Variants in RNGTT observed in about 807,000 individuals in gnomAD.
RNGTT encodes mRNA-capping enzyme.
In RNGTT, 33 loss-of-function variants were observed where a neutral mutation model predicts 79.3. That is an observed-to-expected ratio of 0.42 (90% confidence interval 0.32 to 0.56). The LOEUF (loss-of-function observed/expected upper bound fraction) is 0.56. Among genes scored for constraint, RNGTT ranks in the 20% least tolerant of loss-of-function variants. RNGTT has a pLI of 0.17. For synonymous variants in RNGTT, 222 were observed against 235.9 expected (o/e 0.94, Z 0.54); for missense variants, 497 against 739.1 (o/e 0.67, Z 3.80).
intron 14 of RNGTT, among the ~76,000 whole-genome samples, chr6:88,674,859 G>C (rs918027597): frequency 2.0e-5 from 3 of 152,184 alleles, no homozygotes; most frequent in African/African-American, 7.2e-5. Flanking sequence ...TACTGTGGGA[G>C]GCTGAAGTGG....
chr6:88,822,747 A>G (rs1054359864), intron 11 of RNGTT, among the ~76,000 whole-genome samples: 1 of 152,208 alleles, frequency 6.6e-6, no homozygotes, highest in Non-Finnish European at 1.5e-5. Flanking sequence ...AAGAGTGAAC[A>G]TTGATAGGAT....
rs1774963737 is a variant in RNGTT at position 88,678,405 on chromosome 6, T to C, written c.1454A>G (p.Asn485Ser). 2 of 1,431,104 alleles carry C rather than the reference T, an allele frequency of 1.4e-6. No homozygotes were observed. Among genetic ancestry groups the C allele is most frequent in the South Asian group, 1.8e-5 (1 of 56,876 alleles). 88.7% of individuals were successfully genotyped at this position (1,431,104 alleles called of 1,614,324 possible). Residue 485 changes from asparagine to serine, a missense_variant, in exon 14 of 16, where the codon AAT (asparagine) becomes AGT (serine). Coordinates refer to ENST00000369485, the MANE Select transcript of RNGTT (RefSeq NM_003800.5). Reference protein sequence around the residue: ...RMGGEGLLPQNVGLLYVGGYE... With the variant: ...RMGGEGLLPQSVGLLYVGGYE... ...ACCTCCAACATACAGGAGGCCAACA[T>C]TCTGAGGAAGTAACCTACAAAGAAA... is the stretch of plus-strand genomic sequence containing the variant.
chr6:88,743,682 T>C (rs987271738), intron 13 of RNGTT, among the ~76,000 whole-genome samples: 1 of 152,242 alleles, frequency 6.6e-6, no homozygotes, highest in Non-Finnish European at 1.5e-5. Flanking sequence ...TAATATTCTA[T>C]TGTATGTATA....
chr6:88,647,715 A>AAAAAAAAAAAAAAAAAAAAAAAG (rs531898293), intron 14 of RNGTT, among the ~76,000 whole-genome samples: 12 of 142,444 alleles, frequency 8.4e-5, no homozygotes, highest in African/African-American at 3.6e-4. Context: ...AAAAAAAAAA[A>AAAAAAAAAAAAAAAAAAAAAAAG]AAGAAGAAGA....
intron 13 of RNGTT, among the ~76,000 whole-genome samples, chr6:88,724,190 A>C (rs1185510967): frequency 1.3e-5 from 2 of 152,200 alleles, no homozygotes; most frequent in Non-Finnish European, 2.9e-5. Context: ...TGTTTATAAA[A>C]TCTACAGGAG....
chr6:88,691,111 G>A (rs764243208), intron 13 of RNGTT, among the ~76,000 whole-genome samples: 17 of 152,178 alleles, frequency 1.1e-4, no homozygotes, highest in Admixed American at 5.2e-4. Context: ...AATGTTGGAG[G>A]AGGGGCCTGG....
intron 11 of RNGTT, among the ~76,000 whole-genome samples, chr6:88,826,060 C>G (rs115416581): frequency 6.6e-6 from 1 of 152,178 alleles, no homozygotes; most frequent in East Asian, 1.9e-4. Context: ...ACAGCCCACA[C>G]GTTCACATGT....
chr6:88,725,048 T>C lies in RNGTT; in HGVS notation c.1439+44726A>G, dbSNP rs145049111. On this transcript the variant is annotated intron_variant, in intron 13 of 15. Coordinates refer to ENST00000369485, the MANE Select transcript of RNGTT (RefSeq NM_003800.5). ...CACCCTTCTATAGAAGTACCTTGCC[T>C]TGCTGAGAATTAAAAAGAAAATTTT... 2.7e-3 allele frequency among the ~76,000 whole-genome samples: 408 copies of C among 152,308 alleles called. 1 individual carries two copies. Among genetic ancestry groups the C allele is most frequent in the Non-Finnish European group, 4.8e-3 (326 of 68,028 alleles).
At chr6:88,918,203 G>A (rs1250280547) in intron 4 of RNGTT, among the ~76,000 whole-genome samples, 1 of 151,450 alleles carries the variant, frequency 6.6e-6, no homozygotes, top group African/African-American at 2.4e-5. Flanking sequence ...AGTGCCTGTA[G>A]TACCAGCTAC....
chr6:88,714,174 A>C (rs1353250057), intron 13 of RNGTT: 1 of 152,244 alleles, frequency 6.6e-6, no homozygotes, highest in Non-Finnish European at 1.5e-5. Flanking sequence ...TGAAAAAGAA[A>C]GTGATGAAAG....
intron 11 of RNGTT, among the ~76,000 whole-genome samples, chr6:88,804,196 CAG>C (rs1779884444): frequency 6.6e-6 from 1 of 152,170 alleles, no homozygotes; most frequent in African/African-American, 2.4e-5. Context: ...AGCTTTAATT[CAG>C]AGAGTAAAGT....
intron 13 of RNGTT, among the ~76,000 whole-genome samples, chr6:88,706,744 T>C (rs1183317664): frequency 6.6e-6 from 1 of 152,132 alleles, no homozygotes; most frequent in Non-Finnish European, 1.5e-5. Flanking sequence ...AATAAATGTT[T>C]TATAACTTCT....
chr6:88,666,506 G>T (rs182817414), intron 14 of RNGTT, among the ~76,000 whole-genome samples: 55 of 152,296 alleles, frequency 3.6e-4, no homozygotes, highest in Middle Eastern at 3.4e-3. Flanking sequence ...GCTGACAAAT[G>T]CCAGACTAAC....
At chr6:88,946,209 G>C (rs1029368820) in intron 1 of RNGTT, among the ~76,000 whole-genome samples, 2 of 152,094 alleles carry the variant, frequency 1.3e-5, no homozygotes, top group African/African-American at 2.4e-5. Flanking sequence ...AATAGTTCAA[G>C]CTTTTTTATT....
chr6:88,846,673 T>C (rs1462535761), intron 10 of RNGTT, among the ~76,000 whole-genome samples: 2 of 151,950 alleles, frequency 1.3e-5, no homozygotes, highest in Admixed American at 6.6e-5. Context: ...GGCATGAGAA[T>C]TGCCTGAACA....
chr6:88,867,670 T>C, intron 8 of RNGTT, among the ~76,000 whole-genome samples: 1 of 152,066 alleles, frequency 6.6e-6, no homozygotes, highest in Non-Finnish European at 1.5e-5. Flanking sequence ...TGATCCTAAC[T>C]AGGATTAAAA....
intron 12 of RNGTT, among the ~76,000 whole-genome samples, chr6:88,776,478 C>T (rs1370607632): frequency 6.6e-6 from 1 of 151,940 alleles, no homozygotes; most frequent in African/African-American, 2.4e-5. Context: ...TGCCAGCAGG[C>T]CCAGCTAATT....
intron 14 of RNGTT, among the ~76,000 whole-genome samples, chr6:88,663,447 A>G (rs113067537): frequency 0.013 from 1,963 of 152,274 alleles, 46 homozygotes; most frequent in African/African-American, 0.045. Flanking sequence ...GGTTGCAGCT[A>G]GTTTTAGACC....
At chr6:88,700,556 GGAAAGGTTATTAT>G (rs1465897916) in intron 13 of RNGTT, among the ~76,000 whole-genome samples, 1 of 151,980 alleles carries the variant, frequency 6.6e-6, no homozygotes, top group African/African-American at 2.4e-5. Flanking sequence ...TACAAGGTCA[GGAAAGGTTATTAT>G]GAAGTTGAGT....
Sources: allele counts gnomAD v4.1 joint callset (sites outside exome capture counted in the v4.1 genomes callset), GRCh38; gene constraint gnomAD v4.1.1; transcripts MANE v1.5; gene names NCBI Gene and HGNC (gene_info 2026-07-23, HGNC 2026-07-21).